KCNIP4: variants seen among roughly 807,000 people sequenced by gnomAD.
The protein encoded by KCNIP4 is potassium voltage-gated channel interacting protein 4.
A neutral mutation model predicts 34.0 loss-of-function variants in KCNIP4; 12 were observed. The ratio of observed to expected loss-of-function variants is 0.35; its 90% CI spans 0.23 to 0.57. KCNIP4 has a LOEUF of 0.57. KCNIP4 is among the 20% of genes least tolerant of loss of function. KCNIP4 has a pLI of 0.83. For missense variants in KCNIP4, 238 were observed against 311.7 expected (o/e 0.76, Z 1.78); for synonymous variants, 124 against 102.2 (o/e 1.21, Z -1.29).
In KCNIP4 at chr4:21,868,106, C is replaced by T. The variant is rs568831018; in HGVS notation, c.61+80465G>A. 6.8e-4 allele frequency among the ~76,000 whole-genome samples: 104 copies of T among 152,262 alleles called. 1 individual carries two copies. In the South Asian group the frequency reaches 7.0e-3, roughly 10 times the overall value. The stretch of plus-strand genomic sequence containing the variant: ...GAGGGCAAGGGATAATTAATCTTTT[C>T]AGTCTCTGAAATCCTATGGATAGCA... On this transcript the variant is annotated intron_variant, in intron 1 of 8. Coordinates refer to ENST00000382152, the MANE Select transcript of KCNIP4 (RefSeq NM_025221.6).
chr4:21,171,095 A>G (rs1753991435), intron 1 of KCNIP4, among the ~76,000 whole-genome samples: 1 of 152,212 alleles, frequency 6.6e-6, no homozygotes, highest in Non-Finnish European at 1.5e-5. Flanking sequence ...AGTTTGAGTT[A>G]CAAATAAATC....
chr4:21,459,492 T>C (rs561622673), intron 1 of KCNIP4, among the ~76,000 whole-genome samples: 1 of 152,078 alleles, frequency 6.6e-6, no homozygotes, highest in Admixed American at 6.6e-5. Context: ...CTCTCACTGG[T>C]TTTACCCAGT....
intron 1 of KCNIP4, among the ~76,000 whole-genome samples, chr4:21,427,648 T>C (rs1726047809): frequency 6.6e-6 from 1 of 152,268 alleles, no homozygotes; most frequent in South Asian, 2.1e-4. Context: ...ATAAATCACC[T>C]GCAGACTCAT....
At chr4:21,320,928 G>A (rs1714314499) in intron 1 of KCNIP4, among the ~76,000 whole-genome samples, 1 of 135,834 alleles carries the variant, frequency 7.4e-6, no homozygotes, top group African/African-American at 2.9e-5. Flanking sequence ...TGGTGCCACT[G>A]TACTCAAGCC....
At chr4:21,253,328 T>C (rs1760848516) in intron 1 of KCNIP4, among the ~76,000 whole-genome samples, 1 of 152,198 alleles carries the variant, frequency 6.6e-6, no homozygotes, top group Admixed American at 6.5e-5. Flanking sequence ...CCCCTACTTC[T>C]ATCTTTAGGC....
intron 1 of KCNIP4, among the ~76,000 whole-genome samples, chr4:21,137,814 A>C (rs1207613720): frequency 1.3e-5 from 2 of 151,584 alleles, no homozygotes; most frequent in Admixed American, 1.3e-4. Context: ...ACGTTTAGAA[A>C]TAATAGTTAA....
In KCNIP4 at chr4:21,519,455, CACATATGTGTGTATGTGTATGT is replaced by C. The variant is rs1735132937; in HGVS notation, c.61+429094_61+429115del. Among the ~76,000 whole-genome samples, 5 of 64,154 alleles carry C rather than the reference CACATATGTGTGTATGTGTATGT, an allele frequency of 7.8e-5. 1 individual carries two copies. Among genetic ancestry groups the C allele is most frequent in the African/African-American group, 1.8e-4 (3 of 16,286 alleles). 42.1% of individuals were successfully genotyped at this position (64,154 alleles called of 152,430 possible). On this transcript the variant is annotated intron_variant, in intron 1 of 8. Transcript: ENST00000382152. ...ATGTGTGTATATGTATGTGTATATA[CACATATGTGTGTATGTGTATGT>C]GTATATACACATATGTGTGTATGTG... is the stretch of plus-strand genomic sequence containing the variant.
intron 1 of KCNIP4, among the ~76,000 whole-genome samples, chr4:21,624,643 T>C (rs1024840868): frequency 4.6e-5 from 7 of 152,148 alleles, no homozygotes; most frequent in African/African-American, 7.2e-5. Flanking sequence ...ATCTTAGAAA[T>C]AATATTCATG....
At chr4:21,615,043 C>A (rs1744479846) in intron 1 of KCNIP4, among the ~76,000 whole-genome samples, 1 of 151,922 alleles carries the variant, frequency 6.6e-6, no homozygotes, top group Non-Finnish European at 1.5e-5. Flanking sequence ...ATGGGATAGG[C>A]TTTCCTGGTT....
At chr4:21,872,028 G>GA (rs201010094) in intron 1 of KCNIP4, among the ~76,000 whole-genome samples, 1,711 of 151,912 alleles carry the variant, frequency 0.011, 32 homozygotes, top group African/African-American at 0.039. Context: ...CACGGAGAAA[G>GA]AAAAAAAGCA....
In KCNIP4 at chr4:20,843,451, C is replaced by T. The variant is rs555038536; in HGVS notation, c.288+7092G>A. Among the ~76,000 whole-genome samples, 15 of 152,194 alleles carry T rather than the reference C, an allele frequency of 9.9e-5. No homozygotes were observed. The East Asian group carries it at 1.4e-3, about 14-fold the overall frequency. On this transcript the variant is annotated intron_variant, in intron 3 of 8. Transcript: ENST00000382152. ...ATGAGTTTAAAATTTGAAAGAAGGC[C>T]GGGCATAGTGGCTCATGCTTGTAAT... is the stretch of plus-strand genomic sequence containing the variant.
chr4:21,184,393 G>A (rs372434131), intron 1 of KCNIP4, among the ~76,000 whole-genome samples: 1 of 152,106 alleles, frequency 6.6e-6, no homozygotes, highest in Non-Finnish European at 1.5e-5. Flanking sequence ...TTTTGCAATA[G>A]CAGATACTCA....
At chr4:20,970,232 C>T (rs548263734) in intron 1 of KCNIP4, among the ~76,000 whole-genome samples, 102 of 152,294 alleles carry the variant, frequency 6.7e-4, no homozygotes, top group South Asian at 4.1e-4. Flanking sequence ...TGAGCCACCG[C>T]GCCCGGCCAG....
At chr4:21,563,406 A>T (rs1331574224) in intron 1 of KCNIP4, among the ~76,000 whole-genome samples, 2 of 152,094 alleles carry the variant, frequency 1.3e-5, no homozygotes, top group Non-Finnish European at 2.9e-5. Flanking sequence ...CACATTGCTT[A>T]ACATTGCTTA....
intron 1 of KCNIP4, among the ~76,000 whole-genome samples, chr4:21,447,821 G>T (rs542242065): frequency 6.6e-6 from 1 of 152,060 alleles, no homozygotes; most frequent in Non-Finnish European, 1.5e-5. Flanking sequence ...TGATTAACAG[G>T]CAGGTAGCTA....
chr4:21,523,216 T>C (rs1424997792), intron 1 of KCNIP4, among the ~76,000 whole-genome samples: 1 of 152,154 alleles, frequency 6.6e-6, no homozygotes, highest in Non-Finnish European at 1.5e-5. Context: ...ACCAAGCTTA[T>C]GGTATTTTGT....
chr4:21,564,793 T>C (rs1739717134), intron 1 of KCNIP4, among the ~76,000 whole-genome samples: 1 of 152,030 alleles, frequency 6.6e-6, no homozygotes, highest in Non-Finnish European at 1.5e-5. Context: ...AGCTAGTGTG[T>C]GCAGAGGTGA....
intron 1 of KCNIP4, among the ~76,000 whole-genome samples, chr4:21,778,236 C>CTTTTTTTTTTTTTT (rs71655659): frequency 7.8e-5 from 2 of 25,756 alleles, no homozygotes; most frequent in Non-Finnish European, 7.6e-5. Context: ...TTTTTTTTTT[C>CTTTTTTTTTTTTTT]TTTTTTTTTT....
chr4:20,784,072 C>T (rs1374979800), intron 3 of KCNIP4, among the ~76,000 whole-genome samples: 1 of 152,134 alleles, frequency 6.6e-6, no homozygotes, highest in East Asian at 1.9e-4. Flanking sequence ...TGATAAAACT[C>T]ACATTCAAAC....
Sources: gnomAD v4.1 joint callset for allele counts (sites outside exome capture counted in the v4.1 genomes callset) on GRCh38, gnomAD v4.1.1 for gene constraint, MANE v1.5 for transcripts, NCBI Gene and HGNC (gene_info 2026-07-23, HGNC 2026-07-21) for gene names.